Variants in ULK4 observed in about 807,000 individuals in gnomAD.
ULK4 encodes the protein unc-51 like kinase 4, also known as inactive serine/threonine-protein kinase ULK4.
A neutral mutation model predicts 160.6 loss-of-function variants in ULK4; 133 were observed. The ratio of observed to expected loss-of-function variants is 0.83; its 90% confidence interval spans 0.72 to 0.96. ULK4 has a LOEUF of 0.96. ULK4 is among the 40% of genes least tolerant of loss of function. ULK4 has a pLI of 0.00. For synonymous variants in ULK4, 534 were observed against 539.8 expected, an observed-to-expected ratio of 0.99 and a Z score of 0.15; for missense variants, 1,580 against 1,499.5, an observed-to-expected ratio of 1.05 and a Z score of -0.89.
At chr3:41,833,617 G>C (rs1196584585) in intron 18 of ULK4, among the ~76,000 whole-genome samples, 1 of 152,040 alleles carries the variant, frequency 6.6e-6, no homozygotes, top group South Asian at 2.1e-4. Flanking sequence ...TCTCTTTGTA[G>C]CAACTGTCAA....
At chr3:41,840,450 G>A (rs79009764) in intron 17 of ULK4, among the ~76,000 whole-genome samples, 8,432 of 152,182 alleles carry the variant, frequency 0.055, 770 homozygotes, top group African/African-American at 0.19. Flanking sequence ...GTCTCAGCTC[G>A]CTGCAGCCTC....
At chr3:41,918,977 T>C (rs766463478) in intron 6 of ULK4, among the ~76,000 whole-genome samples, 1 of 152,144 alleles carries the variant, frequency 6.6e-6, no homozygotes, top group African/African-American at 2.4e-5. Context: ...TATATAGCAA[T>C]AGCTATTTAA....
chr3:41,708,600 G>C (rs1169394213), intron 25 of ULK4, among the ~76,000 whole-genome samples: 1 of 152,172 alleles, frequency 6.6e-6, no homozygotes, highest in Non-Finnish European at 1.5e-5. Context: ...CTAAAGTAAA[G>C]ATCTGGGATT....
intron 31 of ULK4, among the ~76,000 whole-genome samples, chr3:41,580,372 A>T (rs1364135287): frequency 6.6e-6 from 1 of 150,416 alleles, no homozygotes; most frequent in African/African-American, 2.5e-5. Context: ...TAAACCAATT[A>T]TTTATTTTTT....
At chr3:41,357,810 G>A (rs1431744271) in intron 35 of ULK4, among the ~76,000 whole-genome samples, 1 of 152,198 alleles carries the variant, frequency 6.6e-6, no homozygotes, top group East Asian at 1.9e-4. Flanking sequence ...TCAACCTACT[G>A]TGGCAGGAGT....
intron 35 of ULK4, among the ~76,000 whole-genome samples, chr3:41,292,905 C>A (rs2079599265): frequency 1.3e-5 from 2 of 152,198 alleles, no homozygotes; most frequent in African/African-American, 4.8e-5. Flanking sequence ...GATTGCACGA[C>A]TGTACTCCAG....
chr3:41,897,423 G>A (rs187620904), intron 14 of ULK4, among the ~76,000 whole-genome samples: 21 of 152,042 alleles, frequency 1.4e-4, no homozygotes, highest in Admixed American at 1.0e-3. Flanking sequence ...AAAAAATAAC[G>A]AGAATAACAT....
At chr3:41,849,637 C>G (rs1434128590) in intron 17 of ULK4, among the ~76,000 whole-genome samples, 1 of 152,118 alleles carries the variant, frequency 6.6e-6, no homozygotes, top group Admixed American at 6.5e-5. Context: ...ATAATGTAAA[C>G]TACAGACTTT....
intron 27 of ULK4, among the ~76,000 whole-genome samples, chr3:41,701,818 T>C (rs1433062387): frequency 6.6e-6 from 1 of 152,166 alleles, no homozygotes; most frequent in Non-Finnish European, 1.5e-5. Flanking sequence ...GGTCTGTATA[T>C]TACTAAAAGA....
chr3:41,248,224 G>C (rs1380155411), intron 36 of ULK4, among the ~76,000 whole-genome samples: 1 of 152,078 alleles, frequency 6.6e-6, no homozygotes, highest in Non-Finnish European at 1.5e-5. Flanking sequence ...CTCTGCCCTC[G>C]GCATAAATCT....
chr3:41,825,118 G>A (rs923970728), intron 18 of ULK4, among the ~76,000 whole-genome samples: 36 of 152,244 alleles, frequency 2.4e-4, no homozygotes, highest in African/African-American at 8.4e-4. Context: ...CTGTTAGAAG[G>A]AAAACTAACA....
At chr3:41,580,984 A>G (rs752556666) in intron 31 of ULK4, among the ~76,000 whole-genome samples, 22 of 151,074 alleles carry the variant, frequency 1.5e-4, no homozygotes, top group Non-Finnish European at 2.4e-4. Flanking sequence ...ACATTCAAAC[A>G]AAACAGTTCT....
intron 30 of ULK4, among the ~76,000 whole-genome samples, chr3:41,640,491 C>A (rs566242037): frequency 6.6e-6 from 1 of 152,148 alleles, no homozygotes; most frequent in Non-Finnish European, 1.5e-5. Context: ...TCCCAGGAAG[C>A]CTAAGGCTCT....
In ULK4 at chr3:41,753,256, T is replaced by C. The variant is rs148005059; in HGVS notation, c.2321+1105A>G. 3.3e-5 allele frequency among the ~76,000 whole-genome samples: 5 copies of C among 152,224 alleles called. No individual in the cohort carries two copies. In the East Asian group the frequency reaches 9.7e-4, roughly 29 times the overall value. On this transcript the variant is annotated intron_variant, in intron 22 of 36. Transcript: ENST00000301831. ...CAGAAATTTGTTGTCTTGTTTGTTA[T>C]ATAGGTAGGTATGTAATCGCCCCAA...
intron 35 of ULK4, among the ~76,000 whole-genome samples, chr3:41,370,131 C>T (rs781477225): frequency 1.7e-4 from 26 of 151,922 alleles, no homozygotes; most frequent in Non-Finnish European, 3.8e-4. Flanking sequence ...TGCTCAGAAC[C>T]ATTACACAAA....
At chr3:41,913,302 T>G (rs1490849753) in intron 8 of ULK4, 1 of 150,058 alleles carries the variant, frequency 6.7e-6, no homozygotes, top group East Asian at 2.1e-4. Context: ...CTCGGCTCAC[T>G]GCAAACTCTG....
At chr3:41,955,675 G>C (rs1700458774) in intron 1 of ULK4, 3 of 153,740 alleles carry the variant, frequency 2.0e-5, no homozygotes, top group South Asian at 3.8e-4. Context: ...CAAGAAGAGA[G>C]TGGGGGACAC....
intron 17 of ULK4, among the ~76,000 whole-genome samples, chr3:41,880,638 A>G (rs1697484028): frequency 6.6e-6 from 1 of 152,280 alleles, no homozygotes; most frequent in Non-Finnish European, 1.5e-5. Flanking sequence ...AAATGCTTAT[A>G]GGGGCCAGGT....
intron 35 of ULK4, among the ~76,000 whole-genome samples, chr3:41,387,132 T>C (rs1245001116): frequency 1.3e-5 from 2 of 152,174 alleles, no homozygotes; most frequent in Non-Finnish European, 2.9e-5. Flanking sequence ...TATAAATTCA[T>C]GGGGTACACA....
Sources: allele counts gnomAD v4.1 joint callset (sites outside exome capture counted in the v4.1 genomes callset), GRCh38; gene constraint gnomAD v4.1.1; transcripts MANE v1.5; gene names NCBI Gene and HGNC (gene_info 2026-07-23, HGNC 2026-07-21).